The following WDR82 variants were observed in gnomAD, a reference collection of about 807,000 sequenced individuals.
WDR82 encodes WD repeat-containing protein 82.
WDR82 carries 8 observed loss-of-function variants against 36.1 expected under a neutral mutation model. The ratio of observed to expected loss-of-function variants is 0.22; its 90% CI spans 0.13 to 0.40. The LOEUF is 0.40. WDR82 is among the 10% of genes least tolerant of loss of function. WDR82 has a pLI of 1.00. For missense variants in WDR82, 185 were observed against 400.5 expected (o/e 0.46, Z 4.59); for synonymous variants, 129 against 137.8 (o/e 0.94, Z 0.45).
At position 52,257,371 on chromosome 3, in the gene WDR82, T is replaced by C. The variant is rs575385010; in HGVS notation, c.*119A>G. On this transcript the variant is annotated 3_prime_UTR_variant, in exon 9 of 9. Coordinates refer to ENST00000296490, the MANE Select transcript of WDR82 (RefSeq NM_025222.4). ...GTACAGCACATCCATGGGAAGGCCA[T>C]GTAAAAGGATGTTCTCCAGCCCAGT... The C allele has an allele frequency of 2.2e-6, 3 of 1,383,380 alleles. No individual in the cohort carries two copies. Among genetic ancestry groups the C allele is most frequent in the Non-Finnish European group, 3.1e-6 (3 of 976,544 alleles). 85.7% of individuals were successfully genotyped at this position (1,383,380 alleles called of 1,614,324 possible). A position where few individuals can be genotyped will look rare whatever the true frequency, so the allele number is the denominator to read the frequency against.
At chr3:52,267,096 C>A in intron 2 of WDR82, 78 bp from the exon 3 acceptor site, 1 of 1,185,004 alleles carries the variant, frequency 8.4e-7, no homozygotes, top group Non-Finnish European at 1.2e-6. Flanking sequence ...CTTAAAAAGA[C>A]AAGGTCAAAT....
chr3:52,277,104 C>A lies in WDR82; in HGVS notation c.161+1097G>T, dbSNP rs1700211382. Among the ~76,000 whole-genome samples, 10 of 120,840 alleles carry A rather than the reference C, an allele frequency of 8.3e-5. No individual in the cohort carries two copies. The South Asian group carries it at 2.4e-3, about 30-fold the overall frequency. The allele number at this position is 120,840 out of a possible 152,430, so 79.3% of individuals were successfully genotyped here. On this transcript the variant is annotated intron_variant, in intron 1 of 8. Transcript: ENST00000296490. The stretch of plus-strand genomic sequence containing the variant: ...ATAATAATAATAATAATAATAATAT[C>A]TGTTACTAGGTGACAAAATCAAGTC...
chr3:52,278,014 CTTT>C (rs370927208), intron 1 of WDR82, 184 bp downstream of exon 1: 3 of 425,916 alleles, frequency 7.0e-6, no homozygotes, highest in Non-Finnish European at 1.2e-5. Context: ...CTATCGTTAT[CTTT>C]TTTTTTTAAG....
chr3:52,260,732 T>G (rs775800960), intron 4 of WDR82, among the ~76,000 whole-genome samples: 4 of 151,930 alleles, frequency 2.6e-5, no homozygotes, highest in Non-Finnish European at 5.9e-5. Flanking sequence ...AAAAAACAGG[T>G]CTCCAGACAA....
chr3:52,261,065 C>T (rs564191076), intron 4 of WDR82, among the ~76,000 whole-genome samples: 5 of 152,254 alleles, frequency 3.3e-5, no homozygotes, highest in East Asian at 3.9e-4. Flanking sequence ...GTGGAGGTTG[C>T]GGTGAGCTGA....
At position 52,265,290 on chromosome 3, in the gene WDR82, A is replaced by C. The variant is rs1700095489; in HGVS notation, c.326+1662T>G. Among the ~76,000 whole-genome samples the C allele has an allele frequency of 8.5e-5, 9 of 106,186 alleles. No individual in the cohort carries two copies. In the South Asian group the frequency reaches 3.5e-3, roughly 41 times the overall value. 69.7% of individuals were successfully genotyped at this position (106,186 alleles called of 152,430 possible). On this transcript the variant is annotated intron_variant, in intron 3 of 8. Transcript: ENST00000296490. ...ACTCCAGCCTGGGCGACAGAGCGAG[A>C]CTCTGTCTCAAAAAAAAAAAAAAAA...
In WDR82 at chr3:52,257,236, G is replaced by A. The variant is rs1700017330; in HGVS notation, c.*254C>T. 8.9e-6 allele frequency: 5 copies of A among 559,444 alleles called. No individual in the cohort carries two copies. Among genetic ancestry groups the A allele is most frequent in the Non-Finnish European group, 1.6e-5 (5 of 314,582 alleles). The allele number at this position is 559,444 out of a possible 1,614,324, so 34.7% of individuals were successfully genotyped here. A position where few individuals can be genotyped will look rare whatever the true frequency, so the allele number is the denominator to read the frequency against. On this transcript the variant is annotated 3_prime_UTR_variant, in exon 9 of 9. Coordinates refer to ENST00000296490, the MANE Select transcript of WDR82 (RefSeq NM_025222.4). ...AATCGTGAGTCTGGTCACTCCTCCAGCAGAGCTTGGTGCAGTGACAGTTAG... is the reference window on the plus strand; with the variant it reads ...AATCGTGAGTCTGGTCACTCCTCCAACAGAGCTTGGTGCAGTGACAGTTAG...
chr3:52,268,751 C>T (rs1700127683), intron 2 of WDR82, among the ~76,000 whole-genome samples: 1 of 151,492 alleles, frequency 6.6e-6, no homozygotes, highest in Non-Finnish European at 1.5e-5. Flanking sequence ...GAAAAAAGGA[C>T]TTCCGCCCAT....
intron 1 of WDR82, among the ~76,000 whole-genome samples, chr3:52,276,181 C>T (rs1376666624): frequency 2.0e-5 from 3 of 152,178 alleles, no homozygotes; most frequent in African/African-American, 7.2e-5. Flanking sequence ...TGCCTATAAT[C>T]CTAGCACTTT....
chr3:52,276,711 C>T (rs1218248822), intron 1 of WDR82, among the ~76,000 whole-genome samples: 4 of 152,182 alleles, frequency 2.6e-5, no homozygotes, highest in African/African-American at 9.7e-5. Flanking sequence ...GTTACTTCGT[C>T]TTCTAAACTG....
Position 52,278,200 on chromosome 3 carries a change from C to T in WDR82, c.161+1G>A. ...GGGCCCAGGGCCTCCGCCGCACTCA[C>T]TTGCCCTCCTGGCAGTCATAGAGCA... On this transcript the variant is annotated splice_donor_variant, in intron 1 of 8. Coordinates refer to ENST00000296490, the MANE Select transcript of WDR82 (RefSeq NM_025222.4). LOFTEE classifies it high-confidence loss of function. 1 of 1,596,640 alleles carries T rather than the reference C, an allele frequency of 6.3e-7. No homozygotes were observed. Among genetic ancestry groups the T allele is most frequent in the Non-Finnish European group, 8.5e-7 (1 of 1,171,466 alleles).
chr3:52,265,091 G>A (rs906076813), intron 3 of WDR82, among the ~76,000 whole-genome samples: 3 of 151,984 alleles, frequency 2.0e-5, no homozygotes, highest in African/African-American at 4.8e-5. Context: ...TGAGGCGGGC[G>A]GATCAGGGAC....
chr3:52,266,906 C>A, intron 3 of WDR82, 46 bp downstream of exon 3: 1 of 1,530,978 alleles, frequency 6.5e-7, no homozygotes, highest in South Asian at 1.1e-5. Context: ...TCTGGGTAAC[C>A]TCAGGGATAA....
At chr3:52,261,653 A>G (rs1351138317) in intron 3 of WDR82, among the ~76,000 whole-genome samples, 174 bp from the exon 4 acceptor site, 1 of 152,190 alleles carries the variant, frequency 6.6e-6, no homozygotes, top group Non-Finnish European at 1.5e-5. Flanking sequence ...AAACAAAGGC[A>G]ACTAGTATAA....
At chr3:52,261,198 G>A (rs934425451) in intron 4 of WDR82, among the ~76,000 whole-genome samples, 182 bp downstream of exon 4, 2 of 152,112 alleles carry the variant, frequency 1.3e-5, no homozygotes, top group Admixed American at 6.5e-5. Context: ...AATGCAATCT[G>A]CACTAGATTA....
intron 1 of WDR82, among the ~76,000 whole-genome samples, chr3:52,276,197 G>T (rs1700201121): frequency 6.6e-6 from 1 of 152,176 alleles, no homozygotes; most frequent in Non-Finnish European, 1.5e-5. Flanking sequence ...ACTTTGGAAG[G>T]CCAAGGCGGG....
intron 1 of WDR82, among the ~76,000 whole-genome samples, chr3:52,271,460 G>A (rs1398475995): frequency 6.6e-6 from 1 of 152,182 alleles, no homozygotes; most frequent in African/African-American, 2.4e-5. Flanking sequence ...ATGCATGGCT[G>A]TACATCTACT....
Position 52,278,602 on chromosome 3 carries a change from C to A in WDR82, c.-241G>T, listed in dbSNP as rs1300096078. 7 of 402,896 alleles carry A rather than the reference C, an allele frequency of 1.7e-5. No individual in the cohort carries two copies. The highest frequency in any genetic ancestry group is 1.1e-4 in the East Asian group (3 of 28,042). The allele number at this position is 402,896 out of a possible 1,614,324, so 25.0% of individuals were successfully genotyped here. A position where few individuals can be genotyped will look rare whatever the true frequency, so the allele number is the denominator to read the frequency against. On this transcript the variant is annotated 5_prime_UTR_variant, in exon 1 of 9. Transcript: ENST00000296490. ...GCCACCTCACGGACAACCGGCGCGT[C>A]GCCGGCTCATTGTGTCCGCCATTTT... is the stretch of plus-strand genomic sequence containing the variant.
intron 8 of WDR82, among the ~76,000 whole-genome samples, chr3:52,258,275 G>A (rs1001980302): frequency 3.1e-4 from 47 of 152,150 alleles, no homozygotes; most frequent in Non-Finnish European, 8.8e-5. Context: ...AGGGTCCAGA[G>A]CAAAAACTGG....
Sources: allele counts gnomAD v4.1 joint callset (sites outside exome capture counted in the v4.1 genomes callset), GRCh38; gene constraint gnomAD v4.1.1; transcripts MANE v1.5; gene names NCBI Gene and HGNC (gene_info 2026-07-23, HGNC 2026-07-21).